The following PALM2AKAP2 variants were observed in gnomAD, a reference collection of about 807,000 sequenced individuals.
PALM2AKAP2 encodes PALM2-AKAP2 fusion protein.
PALM2AKAP2 carries 37 observed loss-of-function variants against 71.5 expected under a neutral mutation model. The ratio of observed to expected loss-of-function variants is 0.52; its 90% confidence interval spans 0.40 to 0.68. The LOEUF is 0.68. Ranked by LOEUF, PALM2AKAP2 falls within the 30% of genes least tolerant of loss-of-function variation. The pLI is 0.00. For synonymous variants in PALM2AKAP2, 468 were observed against 478.8 expected, an observed-to-expected ratio of 0.98 and a Z score of 0.29; for missense variants, 1,224 against 1,191.8, an observed-to-expected ratio of 1.03 and a Z score of -0.40.
At chr9:109,998,042 A>G (rs1479691009) in intron 6 of PALM2AKAP2, among the ~76,000 whole-genome samples, 1 of 152,220 alleles carries the variant, frequency 6.6e-6, no homozygotes, top group Non-Finnish European at 1.5e-5. Flanking sequence ...AATTAAGAGG[A>G]AGAGAAATAA....
At chr9:110,170,188 T>A (rs1298984989) in exon 4 of PALM2AKAP2, 1 of 152,480 alleles carries the variant, frequency 6.6e-6, no homozygotes, top group Non-Finnish European at 1.5e-5. Context: ...ATGAGAAAAT[T>A]TTCAATTCTG....
chr9:109,705,945 C>T (rs557432813), intron 1 of PALM2AKAP2, among the ~76,000 whole-genome samples: 2 of 152,306 alleles, frequency 1.3e-5, no homozygotes, highest in African/African-American at 4.8e-5. Flanking sequence ...CCCAATCCTT[C>T]TGCCCTGCCC....
intron 6 of PALM2AKAP2, among the ~76,000 whole-genome samples, chr9:109,939,382 A>T (rs1057027490): frequency 2.0e-5 from 3 of 150,106 alleles, no homozygotes; most frequent in Admixed American, 1.3e-4. Context: ...GAAGAGGGAG[A>T]GGGATATCTG....
intron 1 of PALM2AKAP2, among the ~76,000 whole-genome samples, chr9:109,753,895 GT>G (rs1381135759): frequency 2.6e-5 from 4 of 152,028 alleles, no homozygotes; most frequent in Admixed American, 2.6e-4. Flanking sequence ...ATTGTAGAAA[GT>G]TTGAAAAAAA....
intron 3 of PALM2AKAP2, among the ~76,000 whole-genome samples, chr9:109,894,886 G>T (rs905315066): frequency 1.3e-5 from 2 of 152,138 alleles, no homozygotes; most frequent in Admixed American, 1.3e-4. Flanking sequence ...AGAGTGCTGG[G>T]ATTACAAGCA....
Position 110,068,384 on chromosome 9 carries a change from T to G in PALM2AKAP2, c.156+19529T>G, listed in dbSNP as rs145104948. Among the ~76,000 whole-genome samples, 372 of 149,624 alleles carry G rather than the reference T, an allele frequency of 2.5e-3. 27 individuals carry two copies. The highest frequency in any genetic ancestry group is 9.1e-3 in the African/African-American group (356 of 39,300). On this transcript the variant is annotated intron_variant, in intron 1 of 3. Coordinates refer to ENST00000374525, the Ensembl canonical transcript of PALM2AKAP2. ...AGTTGCTGAGGGGAATGACAATGGA[T>G]TTGGTAACACAGCATGCTAATATCA...
intron 1 of PALM2AKAP2, among the ~76,000 whole-genome samples, chr9:109,699,732 C>T (rs1046786726): frequency 2.6e-5 from 4 of 151,686 alleles, no homozygotes; most frequent in Admixed American, 2.0e-4. Context: ...ATTTTTTTTC[C>T]CCTGTATTTT....
intron 1 of PALM2AKAP2, among the ~76,000 whole-genome samples, chr9:109,718,556 T>C (rs1828362699): frequency 6.6e-6 from 1 of 151,818 alleles, no homozygotes; most frequent in Admixed American, 6.6e-5. Context: ...TCTAACTTCT[T>C]TTTTTTTAAC....
intron 3 of PALM2AKAP2, among the ~76,000 whole-genome samples, chr9:109,914,059 A>C (rs1830632864): frequency 6.6e-6 from 1 of 152,138 alleles, no homozygotes; most frequent in Admixed American, 6.5e-5. Context: ...CCCGGCCAAG[A>C]TGCTTATTTC....
chr9:110,161,312 A>G (rs1363633494), intron 3 of PALM2AKAP2, among the ~76,000 whole-genome samples: 4 of 152,182 alleles, frequency 2.6e-5, no homozygotes, highest in Admixed American at 1.3e-4. Flanking sequence ...AAATGCCCCA[A>G]GCAGTGTAAA....
chr9:110,016,922 C>T (rs1832989921), intron 7 of PALM2AKAP2, among the ~76,000 whole-genome samples: 1 of 152,128 alleles, frequency 6.6e-6, no homozygotes, highest in South Asian at 2.1e-4. Context: ...CTCTTTTGCC[C>T]AGGCCGGAGT....
At chr9:109,892,207 C>T (rs1016066257) in intron 3 of PALM2AKAP2, among the ~76,000 whole-genome samples, 4 of 152,196 alleles carry the variant, frequency 2.6e-5, no homozygotes, top group African/African-American at 9.6e-5. Flanking sequence ...GCAAATCCTT[C>T]CTTGCCTCTC....
intron 1 of PALM2AKAP2, among the ~76,000 whole-genome samples, chr9:109,724,643 A>G (rs1244708464): frequency 6.6e-6 from 1 of 152,188 alleles, no homozygotes; most frequent in Non-Finnish European, 1.5e-5. Flanking sequence ...CATTTTTCTA[A>G]GCATTTTGTG....
intron 1 of PALM2AKAP2, among the ~76,000 whole-genome samples, chr9:109,710,875 T>C (rs908884082): frequency 1.3e-5 from 2 of 151,942 alleles, no homozygotes; most frequent in Admixed American, 6.6e-5. Flanking sequence ...GAAGTTGATA[T>C]ACCTTCTGGA....
At chr9:110,004,544 T>G (rs1200212812) in intron 6 of PALM2AKAP2, among the ~76,000 whole-genome samples, 3 of 152,206 alleles carry the variant, frequency 2.0e-5, no homozygotes, top group Non-Finnish European at 4.4e-5. Flanking sequence ...CTTTTTGGCA[T>G]TCTCTGTATT....
chr9:110,144,798 G>GT (rs1371936180), intron 2 of PALM2AKAP2, among the ~76,000 whole-genome samples: 2 of 152,134 alleles, frequency 1.3e-5, no homozygotes, highest in African/African-American at 4.8e-5. Flanking sequence ...TCTTTTCAGA[G>GT]TTTTTTGGAT....
chr9:110,070,135 A>T (rs1423991188), intron 1 of PALM2AKAP2, among the ~76,000 whole-genome samples: 1 of 152,194 alleles, frequency 6.6e-6, no homozygotes, highest in Non-Finnish European at 1.5e-5. Context: ...CAAAACCCAT[A>T]GTGGAAACAC....
intron 6 of PALM2AKAP2, among the ~76,000 whole-genome samples, chr9:109,934,497 A>G (rs1831178189): frequency 6.6e-6 from 1 of 152,034 alleles, no homozygotes; most frequent in Non-Finnish European, 1.5e-5. Flanking sequence ...TGGTATTGAG[A>G]TGATGAGATT....
chr9:110,136,812 A>G, exon 2 of PALM2AKAP2: 2 of 1,614,202 alleles, frequency 1.2e-6, no homozygotes, highest in Non-Finnish European at 1.7e-6. Context: ...AAGCCCTCCA[A>G]GCTCTTTGAG....
Sources: gnomAD v4.1 joint callset for allele counts (sites outside exome capture counted in the v4.1 genomes callset) on GRCh38, gnomAD v4.1.1 for gene constraint, MANE v1.5 for transcripts, NCBI Gene and HGNC (gene_info 2026-07-23, HGNC 2026-07-21) for gene names.